LITAF: variants seen among roughly 807,000 people sequenced by gnomAD.
LITAF encodes the protein lipopolysaccharide induced TNF factor, also known as lipopolysaccharide-induced tumor necrosis factor-alpha factor.
Under a neutral mutation model 14.5 loss-of-function variants are expected in LITAF, and 9 were observed. The observed-to-expected ratio is 0.62, with a 90% confidence interval of 0.37 to 1.08. The LOEUF is 1.08. Ranked by LOEUF, LITAF falls within the 50% of genes least tolerant of loss-of-function variation. The pLI, the probability that LITAF is intolerant of heterozygous loss-of-function variation, is 0.01. For missense variants in LITAF, 206 were observed against 213.4 expected, an observed-to-expected ratio of 0.97 and a Z score of 0.22; for synonymous variants, 98 against 88.2, an observed-to-expected ratio of 1.11 and a Z score of -0.62.
At chr16:11,573,792 C>T (rs2064585189) in intron 1 of LITAF, among the ~76,000 whole-genome samples, 1 of 145,456 alleles carries the variant, frequency 6.9e-6, no homozygotes, top group Non-Finnish European at 1.5e-5. Flanking sequence ...ACCTCCACTT[C>T]TCAGGTTCAA....
At chr16:11,620,905 C>G (rs1597373998) in intron 3 of LITAF, among the ~76,000 whole-genome samples, 2 of 152,240 alleles carry the variant, frequency 1.3e-5, no homozygotes, top group East Asian at 3.9e-4. Context: ...CCATTTGTGA[C>G]TTTCTATTTT....
rs4280262 is a variant in LITAF, at chr16:11,553,636, T to C, written c.274A>G (p.Ile92Val). The change falls in exon 3 of 4, where the codon ATC becomes GTC. Residue 92 changes from isoleucine to valine, a missense_variant. Ile to Val is a conservative substitution (Grantham distance 29). Transcript: ENST00000622633. The surrounding 1 kb of genome is among the most constrained non-coding windows in gnomAD (Gnocchi z 7.7). ...TTGCAGGAAGGACAACACATTTGGATAGGGCGGTCCAAAAAGGTGATGGGG... is the reference window on the plus strand; with the variant it reads ...TTGCAGGAAGGACAACACATTTGGACAGGGCGGTCCAAAAAGGTGATGGGG... ...QHPITFLDRP[I>V]QMCCPSCNKM... 0.2 allele frequency: 316,180 copies of C among 1,613,820 alleles called. 33,324 individuals carry two copies. Among genetic ancestry groups the C allele is most frequent in the Non-Finnish European group, 0.22 (260,712 of 1,179,874 alleles).
chr16:11,595,079 A>C (rs1428872007), intron 1 of LITAF, among the ~76,000 whole-genome samples: 1 of 152,182 alleles, frequency 6.6e-6, no homozygotes, highest in Admixed American at 6.5e-5. Context: ...TTGCCAGTAA[A>C]CAGCCCCCAC....
At chr16:11,562,703 T>C (rs1170702662) in intron 1 of LITAF, among the ~76,000 whole-genome samples, 2 of 151,956 alleles carry the variant, frequency 1.3e-5, no homozygotes, top group Non-Finnish European at 2.9e-5. Context: ...TTGAGACCAG[T>C]CTGGGAAACA....
In LITAF at chr16:11,632,791, C is replaced by T. The variant is rs761896081; in HGVS notation, c.85+742G>A. Among the ~76,000 whole-genome samples the T allele has an allele frequency of 2.0e-5, 3 of 152,210 alleles. No individual in the cohort carries two copies. Among genetic ancestry groups the T allele is most frequent in the Admixed American group, 6.5e-5 (1 of 15,286 alleles). On this transcript the variant is annotated intron_variant, in intron 3 of 3. Coordinates refer to the LITAF transcript ENST00000574848. This position sits in a 1 kb window ranked among gnomAD's most constrained non-coding sequence, Gnocchi z 4.8. ...CTATGTGGTGCCCTCAGCCCCCGCA[C>T]GGGTCAGAGTTTTCCGTGTGCCGCC...
intron 3 of LITAF, among the ~76,000 whole-genome samples, chr16:11,633,189 G>A (rs1413359198): frequency 6.6e-6 from 1 of 152,016 alleles, no homozygotes; most frequent in African/African-American, 2.4e-5. Context: ...CACGGACCTG[G>A]GGCAGCCCAG....
intron 1 of LITAF, among the ~76,000 whole-genome samples, chr16:11,572,628 C>CA (rs1411784074): frequency 6.6e-6 from 1 of 152,212 alleles, no homozygotes; most frequent in African/African-American, 2.4e-5. Flanking sequence ...GGCCACAGGG[C>CA]ATCAGGCCAG....
At chr16:11,596,455 G>GGAGGAGGAT (rs2064887194) in intron 1 of LITAF, among the ~76,000 whole-genome samples, 1 of 115,924 alleles carries the variant, frequency 8.6e-6, no homozygotes, top group South Asian at 3.2e-4. Context: ...TCCCAATAGA[G>GGAGGAGGAT]GAGGAGGAGG....
chr16:11,609,305 GAGTTCA>G, intron 3 of LITAF, among the ~76,000 whole-genome samples: 1 of 151,520 alleles, frequency 6.6e-6, no homozygotes, highest in East Asian at 1.9e-4. Flanking sequence ...TCCACCTCCT[GAGTTCA>G]AGCGATTCTC....
chr16:11,627,665 A>G (rs916518815), intron 3 of LITAF, among the ~76,000 whole-genome samples: 1 of 152,098 alleles, frequency 6.6e-6, no homozygotes, highest in Admixed American at 6.6e-5. Context: ...CCGACATGGC[A>G]AAACCCCATC....
Position 11,634,408 on chromosome 16 carries a change from G to A in LITAF, c.-20-771C>T, listed in dbSNP as rs528222579. ...AGGTAACAAAAGGCCACCAGGTTAC[G>A]AAGCTAAGGAATGAGAGAAAGCTAA... On this transcript the variant is annotated intron_variant, in intron 2 of 3. Transcript: ENST00000574848. This position sits in a 1 kb window ranked among gnomAD's most constrained non-coding sequence, Gnocchi z 4.1. Among the ~76,000 whole-genome samples the A allele has an allele frequency of 2.4e-4, 36 of 152,258 alleles. 1 individual carries two copies. The highest frequency in any genetic ancestry group is 1.6e-3 in the Admixed American group (24 of 15,288).
intron 1 of LITAF, among the ~76,000 whole-genome samples, chr16:11,559,931 T>A (rs1442681094): frequency 6.6e-6 from 1 of 151,738 alleles, no homozygotes; most frequent in Non-Finnish European, 1.5e-5. Flanking sequence ...GGAGTTCAAG[T>A]GAGCCGTGAC....
At chr16:11,597,006 G>A (rs934704131) in intron 1 of LITAF, among the ~76,000 whole-genome samples, 4 of 152,104 alleles carry the variant, frequency 2.6e-5, no homozygotes, top group African/African-American at 7.2e-5. Flanking sequence ...AACATGCCTC[G>A]AATCACAGAG....
At chr16:11,557,035 C>A (rs1028187869) in intron 1 of LITAF, among the ~76,000 whole-genome samples, 1 of 151,658 alleles carries the variant, frequency 6.6e-6, no homozygotes, top group Non-Finnish European at 1.5e-5. Flanking sequence ...GACCTACGTA[C>A]CTTCCATATC....
At chr16:11,557,523 C>T (rs2064293148) in intron 1 of LITAF, among the ~76,000 whole-genome samples, 1 of 152,146 alleles carries the variant, frequency 6.6e-6, no homozygotes, top group African/African-American at 2.4e-5. Flanking sequence ...GATCTCAGCT[C>T]ACTGCAGCCT....
At chr16:11,631,777 C>A (rs752604437) in intron 3 of LITAF, among the ~76,000 whole-genome samples, 3 of 152,176 alleles carry the variant, frequency 2.0e-5, no homozygotes, top group Non-Finnish European at 4.4e-5. Flanking sequence ...TTAGAACCCA[C>A]CCTAAATCCA....
chr16:11,612,708 C>T (rs2064990087), intron 3 of LITAF, among the ~76,000 whole-genome samples: 1 of 152,214 alleles, frequency 6.6e-6, no homozygotes, highest in Non-Finnish European at 1.5e-5. Context: ...CCCATTCTCC[C>T]CTGACATCTC....
Position 11,579,445 on chromosome 16 carries a change from G to A in LITAF, c.-6+7441C>T, listed in dbSNP as rs183107009. 4.7e-3 allele frequency among the ~76,000 whole-genome samples: 515 copies of A among 108,908 alleles called. 34 individuals carry two copies. The highest frequency in any genetic ancestry group is 8.9e-3 in the African/African-American group (287 of 32,288). 71.4% of individuals were successfully genotyped at this position (108,908 alleles called of 152,430 possible). A position where few individuals can be genotyped will look rare whatever the true frequency, so the allele number is the denominator to read the frequency against. On this transcript the variant is annotated intron_variant, in intron 1 of 3. Transcript: ENST00000622633. ...CGCAGTCCGGCCTGGGCGACAGAGC[G>A]AGACTCCGTCTCAAAAAATAAAATA... is the stretch of plus-strand genomic sequence containing the variant.
At chr16:11,637,133 C>T (rs757023944), upstream of LITAF, among the ~76,000 whole-genome samples, 26 of 152,152 alleles carry the variant, frequency 1.7e-4, no homozygotes, top group Admixed American at 3.9e-4. Context: ...TCAGGTGATT[C>T]GCCCACCTCG....
Sources: gnomAD v4.1 joint callset for allele counts (sites outside exome capture counted in the v4.1 genomes callset) on GRCh38, gnomAD v4.1.1 for gene constraint, Gnocchi (gnomAD v3.1) non-coding constraint, MANE v1.5 for transcripts, NCBI Gene and HGNC (gene_info 2026-07-23, HGNC 2026-07-21) for gene names.